RAD1: variants seen among roughly 807,000 people sequenced by gnomAD.
RAD1 encodes RAD1 checkpoint DNA exonuclease.
A neutral mutation model predicts 30.0 loss-of-function variants in RAD1; 21 were observed. The observed-to-expected ratio is 0.70, with a 90% CI of 0.50 to 1.01. RAD1 has a LOEUF of 1.01. Ranked by LOEUF, RAD1 falls within the 50% of genes least tolerant of loss-of-function variation. RAD1 has a pLI of 0.00. For synonymous variants in RAD1, 109 were observed against 113.6 expected, an observed-to-expected ratio of 0.96 and a Z score of 0.26; for missense variants, 329 against 329.0, an observed-to-expected ratio of 1.00 and a Z score of 0.00.
chr5:34,907,265 T>C lies in RAD1; in HGVS notation c.*1500A>G, dbSNP rs890595643. 2.0e-5 allele frequency: 3 copies of C among 152,224 alleles called. No individual in the cohort carries two copies. Among genetic ancestry groups the C allele is most frequent in the African/African-American group, 7.2e-5 (3 of 41,460 alleles). 9.4% of individuals were successfully genotyped at this position (152,224 alleles called of 1,614,324 possible). A position where few individuals can be genotyped will look rare whatever the true frequency, so the allele number is the denominator to read the frequency against. ...AATACAATTGAATGGTTCTCAACAA[T>C]GAATAGTTTGGCACACTTTTATTTG... On this transcript the variant is annotated 3_prime_UTR_variant, in exon 6 of 6. Coordinates refer to ENST00000382038, the MANE Select transcript of RAD1 (RefSeq NM_002853.4).
At position 34,908,617 on chromosome 5, in the gene RAD1, C is replaced by T; in HGVS notation, c.*148G>A. ...AAAATGGATTTACAAAACATAGTAA[C>T]TATTAGGGTACATGACCTTGCTCCT... On this transcript the variant is annotated 3_prime_UTR_variant, in exon 6 of 6. Transcript: ENST00000382038. 1 of 638,660 alleles carries T rather than the reference C, an allele frequency of 1.6e-6. No individual in the cohort carries two copies. The highest frequency in any genetic ancestry group is 3.1e-5 in the Admixed American group (1 of 31,964). The allele number at this position is 638,660 out of a possible 1,614,324, so 39.6% of individuals were successfully genotyped here. A position where few individuals can be genotyped will look rare whatever the true frequency, so the allele number is the denominator to read the frequency against.
At position 34,905,268 on chromosome 5, in the gene RAD1, G is replaced by A. The variant is rs1763611625; in HGVS notation, c.*3497C>T. 6.6e-6 allele frequency: 1 copy of A among 152,146 alleles called. No individual in the cohort carries two copies. The highest frequency in any genetic ancestry group is 6.5e-5 in the Admixed American group (1 of 15,274). 9.4% of individuals were successfully genotyped at this position (152,146 alleles called of 1,614,324 possible). ...AATACTATACACTCCGATTTCTCAG[G>A]ACCCAATAGATTTTATTTCAGGTGG... On this transcript the variant is annotated 3_prime_UTR_variant, in exon 6 of 6. Coordinates refer to ENST00000382038, the MANE Select transcript of RAD1 (RefSeq NM_002853.4).
chr5:34,910,036 G>A (rs1481653589), intron 4 of RAD1, among the ~76,000 whole-genome samples: 1 of 151,912 alleles, frequency 6.6e-6, no homozygotes, highest in South Asian at 2.1e-4. Flanking sequence ...TCTCTGACCC[G>A]TCTCATCCAT....
In RAD1 at chr5:34,906,797, T is replaced by C. The variant is rs962044446; in HGVS notation, c.*1968A>G. 2 of 152,196 alleles carry C rather than the reference T, an allele frequency of 1.3e-5. No homozygotes were observed. Among genetic ancestry groups the C allele is most frequent in the Admixed American group, 1.3e-4 (2 of 15,276 alleles). The allele number at this position is 152,196 out of a possible 1,614,324, so 9.4% of individuals were successfully genotyped here. On this transcript the variant is annotated 3_prime_UTR_variant, in exon 6 of 6. Transcript: ENST00000382038. ...CCATTATATGTTAGGCGCCGTTCTT[T>C]GTTCACACTAGTAACAAAAGACAAA... is the stretch of plus-strand genomic sequence containing the variant.
At chr5:34,911,058 C>T (rs1763821403) in intron 4 of RAD1, among the ~76,000 whole-genome samples, 1 of 152,186 alleles carries the variant, frequency 6.6e-6, no homozygotes, top group African/African-American at 2.4e-5. Flanking sequence ...TTCACATTTT[C>T]TTGGCTTCAC....
intron 3 of RAD1, among the ~76,000 whole-genome samples, 196 bp from the exon 4 acceptor site, chr5:34,912,008 T>A (rs1763862613): frequency 6.6e-6 from 1 of 152,194 alleles, no homozygotes; most frequent in Admixed American, 6.6e-5. Context: ...ACAAGAAAAT[T>A]GGGAACCAGA....
In RAD1 at chr5:34,908,712, T is replaced by G. The variant is rs1352880198; in HGVS notation, c.*53A>C. ...ATGACAAAGAGTACTGTACTCAGAATAAGAACTTCATCTATCATAAATGTA... is the reference window on the plus strand; with the variant it reads ...ATGACAAAGAGTACTGTACTCAGAAGAAGAACTTCATCTATCATAAATGTA... On this transcript the variant is annotated 3_prime_UTR_variant, in exon 6 of 6. Transcript: ENST00000382038. 1 of 1,453,656 alleles carries G rather than the reference T, an allele frequency of 6.9e-7. No homozygotes were observed. Among genetic ancestry groups the G allele is most frequent in the Non-Finnish European group, 9.4e-7 (1 of 1,068,284 alleles). 90.0% of individuals were successfully genotyped at this position (1,453,656 alleles called of 1,614,324 possible).
intron 4 of RAD1, among the ~76,000 whole-genome samples, chr5:34,910,732 G>A (rs2069475): frequency 0.054 from 8,185 of 152,174 alleles, 311 homozygotes; most frequent in South Asian, 0.1. Context: ...TTTTACAGCC[G>A]GGCCTGTAAT....
At chr5:34,913,012 C>CA (rs954955277) in intron 3 of RAD1, among the ~76,000 whole-genome samples, 2 of 152,004 alleles carry the variant, frequency 1.3e-5, no homozygotes, top group Admixed American at 6.6e-5. Context: ...AAAAACACCA[C>CA]AAAATCATTT....
intron 2 of RAD1, 175 bp downstream of exon 2, chr5:34,914,520 G>C: frequency 1.5e-6 from 1 of 657,922 alleles, no homozygotes; most frequent in South Asian, 2.1e-5. Context: ...AAAAATTCAA[G>C]TAATGACGTT....
Position 34,908,089 on chromosome 5 carries a change from TG to T in RAD1, c.*675del, listed in dbSNP as rs1259874339. On this transcript the variant is annotated 3_prime_UTR_variant, in exon 6 of 6. Transcript: ENST00000382038. ...CTCTAGAATTCAAACTAATAAGCAA[TG>T]CCCATATGCCTTTGCTTTTTCTAAT... The T allele has an allele frequency of 1.3e-5, 2 of 151,890 alleles. No homozygotes were observed. Among genetic ancestry groups the T allele is most frequent in the Non-Finnish European group, 2.9e-5 (2 of 67,934 alleles). The allele number at this position is 151,890 out of a possible 1,614,324, so 9.4% of individuals were successfully genotyped here. A position where few individuals can be genotyped will look rare whatever the true frequency, so the allele number is the denominator to read the frequency against.
At position 34,914,737 on chromosome 5, in the gene RAD1, T is replaced by C; in HGVS notation, c.156A>G (p.Thr52=). The change falls in exon 2 of 6, where the codon ACA becomes ACG. Residue 52 remains threonine (T), a synonymous_variant. Coordinates refer to ENST00000382038, the MANE Select transcript of RAD1 (RefSeq NM_002853.4). ...CTTGCACACACTTTGCATTTTCCAC[T>C]GTTACTTTGATACCATTTTTAGTTG... is the stretch of plus-strand genomic sequence containing the variant. ...CFATKNGIKV[T]VENAKCVQAN... is the part of the protein sequence containing the mutation. 1 of 1,614,266 alleles carries C rather than the reference T, an allele frequency of 6.2e-7. No individual in the cohort carries two copies. Among genetic ancestry groups the C allele is most frequent in the Admixed American group, 1.7e-5 (1 of 60,034 alleles).
rs186587156 is a variant in RAD1 at position 34,906,423 on chromosome 5, G to C, written c.*2342C>G. 3.1e-4 allele frequency: 47 copies of C among 152,172 alleles called. No individual in the cohort carries two copies. The highest frequency in any genetic ancestry group is 1.0e-3 in the African/African-American group (43 of 41,550). 9.4% of individuals were successfully genotyped at this position (152,172 alleles called of 1,614,324 possible). A position where few individuals can be genotyped will look rare whatever the true frequency, so the allele number is the denominator to read the frequency against. Reference sequence around the variant, plus strand: ...GGAGGCCGAGGCGGGTGGATTGCTTGAGCTCAGGAGTTCAAGATTAGCCTA... The same window carrying C: ...GGAGGCCGAGGCGGGTGGATTGCTTCAGCTCAGGAGTTCAAGATTAGCCTA... On this transcript the variant is annotated 3_prime_UTR_variant, in exon 6 of 6. Transcript: ENST00000382038.
chr5:34,908,894 C>T lies in RAD1; in HGVS notation c.720G>A (p.Lys240=). 6.2e-7 allele frequency: 1 copy of T among 1,612,492 alleles called. No individual in the cohort carries two copies. The highest frequency in any genetic ancestry group is 8.5e-7 in the Non-Finnish European group (1 of 1,179,194). ...CTCTGTTATCTGTCCGAATAGATAC[C>T]TTACAAGATAGGACTAATGCCTTTG... The part of the protein sequence containing the change: ...PSTKALVLSC[K]VSIRTDNRGF... Residue 240 remains lysine (K), a synonymous_variant, in exon 6 of 6, where the codon AAG becomes AAA. Transcript: ENST00000382038.
rs959104638 is a variant in RAD1, at chr5:34,907,342, G to A, written c.*1423C>T. 5.3e-5 allele frequency: 8 copies of A among 152,130 alleles called. No homozygotes were observed. The highest frequency in any genetic ancestry group is 1.9e-4 in the African/African-American group (8 of 41,420). 9.4% of individuals were successfully genotyped at this position (152,130 alleles called of 1,614,324 possible). A position where few individuals can be genotyped will look rare whatever the true frequency, so the allele number is the denominator to read the frequency against. ...AGCATCAGTGGGTAAGGGCCAGAAAGGCTAAATGAATCCTGCAATGGGATG... is the reference window on the plus strand; with the variant it reads ...AGCATCAGTGGGTAAGGGCCAGAAAAGCTAAATGAATCCTGCAATGGGATG... On this transcript the variant is annotated 3_prime_UTR_variant, in exon 6 of 6. Coordinates refer to ENST00000382038, the MANE Select transcript of RAD1 (RefSeq NM_002853.4).
Position 34,909,239 on chromosome 5 carries a change from C to G in RAD1, c.665+19G>C. 1 of 1,534,484 alleles carries G rather than the reference C, an allele frequency of 6.5e-7. No individual in the cohort carries two copies. Among genetic ancestry groups the G allele is most frequent in the Admixed American group, 1.7e-5 (1 of 57,366 alleles). ...CCTCCTCTTTATCACCAATGACAAC[C>G]TCTATATTAAGAACTGACCTGTTGA... On this transcript the variant is annotated intron_variant, in intron 5 of 5. Coordinates refer to ENST00000382038, the MANE Select transcript of RAD1 (RefSeq NM_002853.4).
rs762308580 is a variant in RAD1 at position 34,911,801 on chromosome 5, C to T, written c.319G>A (p.Ala107Thr). 1.2e-5 allele frequency: 19 copies of T among 1,614,074 alleles called. No homozygotes were observed. Among genetic ancestry groups the T allele is most frequent in the East Asian group, 6.7e-5 (3 of 44,870 alleles). ...TAACCTTGGTAACACATTCGAAGTGCAGTTAAAGTCCCTGCAATGGAAAGA... is the reference window on the plus strand; with the variant it reads ...TAACCTTGGTAACACATTCGAAGTGTAGTTAAAGTCCCTGCAATGGAAAGA... ...GSSPMPGTLT[A>T]LRMCYQGYGY... The change falls in exon 4 of 6, where the codon GCA (alanine) becomes ACA (threonine). Residue 107 changes from alanine (A) to threonine (T), a missense_variant. Transcript: ENST00000382038.
chr5:34,912,809 G>A (rs1338849844), intron 3 of RAD1, among the ~76,000 whole-genome samples: 2 of 152,178 alleles, frequency 1.3e-5, no homozygotes, highest in Admixed American at 6.5e-5. Flanking sequence ...AGACCAGCCT[G>A]GCTAATATGG....
In RAD1 at chr5:34,905,496, A is replaced by G. The variant is rs1357704895; in HGVS notation, c.*3269T>C. The stretch of plus-strand genomic sequence containing the variant: ...GTGTTACATGCCTTATTTTTATTAA[A>G]GTGGAATTTAACAAATACTTTTATT... On this transcript the variant is annotated 3_prime_UTR_variant, in exon 6 of 6. Coordinates refer to ENST00000382038, the MANE Select transcript of RAD1 (RefSeq NM_002853.4). The G allele has an allele frequency of 6.6e-6, 1 of 152,052 alleles. No individual in the cohort carries two copies. The highest frequency in any genetic ancestry group is 1.5e-5 in the Non-Finnish European group (1 of 68,022). The allele number at this position is 152,052 out of a possible 1,614,324, so 9.4% of individuals were successfully genotyped here.
Sources: allele counts gnomAD v4.1 joint callset (sites outside exome capture counted in the v4.1 genomes callset), GRCh38; gene constraint gnomAD v4.1.1; transcripts MANE v1.5; gene names NCBI Gene and HGNC (gene_info 2026-07-23, HGNC 2026-07-21).